FGGY: variants seen among roughly 807,000 people sequenced by gnomAD.
FGGY encodes FGGY carbohydrate kinase domain-containing protein.
FGGY carries 72 observed loss-of-function variants against 71.3 expected under a neutral mutation model. That is an observed-to-expected ratio of 1.01 (90% CI 0.84 to 1.23). The LOEUF is 1.23. Ranked by LOEUF, FGGY falls within the 50% of genes most tolerant of loss-of-function variation. The probability of loss-of-function intolerance (pLI) is 0.00; values close to 1 mark genes in which losing one functional copy is unlikely to be tolerated. For synonymous variants in FGGY, 251 were observed against 250.3 expected (o/e 1.00, Z -0.02); for missense variants, 668 against 682.3 (o/e 0.98, Z 0.23).
chr1:59,720,223 A>C (rs1209116702), intron 14 of FGGY, among the ~76,000 whole-genome samples: 1 of 152,204 alleles, frequency 6.6e-6, no homozygotes, highest in Non-Finnish European at 1.5e-5. Flanking sequence ...AACTCACCCA[A>C]TGCATGCTTT....
intron 7 of FGGY, among the ~76,000 whole-genome samples, chr1:59,552,760 A>G (rs1866789): frequency 0.21 from 31,857 of 152,050 alleles, 4,690 homozygotes; most frequent in African/African-American, 0.41. Context: ...TTAGGCTTCC[A>G]TCTCCTTCCC....
chr1:59,650,288 G>A (rs1467576117), intron 11 of FGGY, among the ~76,000 whole-genome samples: 1 of 142,434 alleles, frequency 7.0e-6, no homozygotes, highest in Non-Finnish European at 1.5e-5. Flanking sequence ...GGAGGATTCC[G>A]TCTTTTCTAT....
chr1:59,398,174 A>G (rs567398305), intron 5 of FGGY, among the ~76,000 whole-genome samples: 1 of 152,234 alleles, frequency 6.6e-6, no homozygotes, highest in South Asian at 2.1e-4. Flanking sequence ...TTAGCCACTC[A>G]TGGCAGCATT....
intron 1 of FGGY, among the ~76,000 whole-genome samples, chr1:59,306,059 C>T (rs1478626478): frequency 6.6e-6 from 1 of 152,168 alleles, no homozygotes; most frequent in Non-Finnish European, 1.5e-5. Context: ...AAGGACTTAT[C>T]TCATTTTTTC....
intron 8 of FGGY, among the ~76,000 whole-genome samples, chr1:59,558,339 T>C (rs1440208989): frequency 6.6e-6 from 1 of 152,182 alleles, no homozygotes; most frequent in African/African-American, 2.4e-5. Context: ...GTAGGTTCTT[T>C]CTATTTTCCG....
At chr1:59,513,871 T>C (rs1340089218) in intron 7 of FGGY, among the ~76,000 whole-genome samples, 3 of 152,212 alleles carry the variant, frequency 2.0e-5, no homozygotes, top group African/African-American at 4.8e-5. Context: ...CTACATGGAT[T>C]TCCAGAGCAG....
At chr1:59,467,326 G>T (rs1037711616) in intron 6 of FGGY, among the ~76,000 whole-genome samples, 4 of 151,814 alleles carry the variant, frequency 2.6e-5, no homozygotes. Context: ...ACAGGGTGGG[G>T]AATATACACC....
chr1:59,323,222 G>A (rs2046723926), intron 2 of FGGY, among the ~76,000 whole-genome samples: 1 of 152,108 alleles, frequency 6.6e-6, no homozygotes, highest in African/African-American at 2.4e-5. Context: ...TTATCAAGAA[G>A]AAAATATAAT....
At chr1:59,479,587 G>C (rs1430610259) in intron 6 of FGGY, among the ~76,000 whole-genome samples, 1 of 152,170 alleles carries the variant, frequency 6.6e-6, no homozygotes, top group East Asian at 1.9e-4. Flanking sequence ...GGAAGTTAAG[G>C]GATTTCCCTT....
rs187722322 is a variant in FGGY, at chr1:59,533,873, G to C, written c.800-20251G>C. ...GACCAAAAGTAGATAAAACCACAAA[G>C]ATGGGGAAAAAACAGAGCAGAAAAA... On this transcript the variant is annotated intron_variant, in intron 7 of 15. Transcript: ENST00000303721. Among the ~76,000 whole-genome samples the C allele has an allele frequency of 3.0e-3, 450 of 152,302 alleles. 3 individuals are homozygous for C. Among genetic ancestry groups the C allele is most frequent in the Non-Finnish European group, 5.2e-3 (357 of 68,022 alleles).
chr1:59,472,375 G>C (rs904848812), intron 6 of FGGY, among the ~76,000 whole-genome samples: 2 of 152,204 alleles, frequency 1.3e-5, no homozygotes, highest in African/African-American at 2.4e-5. Context: ...CCCCTGTTCC[G>C]TGGGCTCCTG....
intron 4 of FGGY, among the ~76,000 whole-genome samples, chr1:59,369,817 C>T (rs532119755): frequency 3.7e-4 from 57 of 152,314 alleles, no homozygotes; most frequent in African/African-American, 1.3e-3. Context: ...CTGGAGTGGA[C>T]GTCTAGCAAA....
At chr1:59,374,120 C>T (rs2058219703) in intron 4 of FGGY, among the ~76,000 whole-genome samples, 2 of 152,084 alleles carry the variant, frequency 1.3e-5, no homozygotes, top group South Asian at 2.1e-4. Context: ...ACAGGCAACC[C>T]ACAAAATGGC....
intron 4 of FGGY, among the ~76,000 whole-genome samples, chr1:59,362,498 C>T (rs780232172): frequency 8.5e-5 from 13 of 152,230 alleles, no homozygotes; most frequent in Non-Finnish European, 1.3e-4. Flanking sequence ...TACTGCATCT[C>T]AACACAGGTC....
intron 6 of FGGY, among the ~76,000 whole-genome samples, chr1:59,487,836 G>A (rs1311706683): frequency 6.8e-6 from 1 of 148,080 alleles, no homozygotes; most frequent in Non-Finnish European, 1.5e-5. Context: ...CTCCTCCTCA[G>A]CCCAACTAAC....
At chr1:59,456,892 A>G in intron 5 of FGGY, 69 bp from the exon 6 acceptor site, 1 of 959,138 alleles carries the variant, frequency 1.0e-6, no homozygotes, top group East Asian at 2.5e-5. Context: ...CTGGACGGGT[A>G]TTTTGCAAAA....
intron 7 of FGGY, among the ~76,000 whole-genome samples, chr1:59,552,625 G>C (rs549626130): frequency 1.3e-5 from 2 of 152,088 alleles, no homozygotes; most frequent in African/African-American, 2.4e-5. Context: ...CCACCCTGCC[G>C]TTTACCTGGC....
intron 11 of FGGY, among the ~76,000 whole-genome samples, chr1:59,652,833 G>A (rs1052320087): frequency 1.3e-5 from 2 of 152,144 alleles, no homozygotes; most frequent in Admixed American, 1.3e-4. Flanking sequence ...GACGCTCTGC[G>A]TTTTAGATTT....
At chr1:59,449,899 G>A (rs1178615349) in intron 5 of FGGY, among the ~76,000 whole-genome samples, 1 of 152,198 alleles carries the variant, frequency 6.6e-6, no homozygotes, top group Non-Finnish European at 1.5e-5. Context: ...AAGCTCAGGA[G>A]TTAAAGGCTG....
Sources: gnomAD v4.1 joint callset for allele counts (sites outside exome capture counted in the v4.1 genomes callset) on GRCh38, gnomAD v4.1.1 for gene constraint, MANE v1.5 for transcripts, NCBI Gene and HGNC (gene_info 2026-07-23, HGNC 2026-07-21) for gene names.